WAPL: variants seen among roughly 807,000 people sequenced by gnomAD.
WAPL encodes wings apart-like protein homolog.
A neutral mutation model predicts 121.0 loss-of-function variants in WAPL; 5 were observed. The ratio of observed to expected loss-of-function variants is 0.04; its 90% CI spans 0.02 to 0.09. WAPL has a LOEUF of 0.09. Ranked by LOEUF, WAPL falls within the 10% of genes least tolerant of loss-of-function variation. The probability of loss-of-function intolerance (pLI) is 1.00; values close to 1 mark genes in which losing one functional copy is unlikely to be tolerated. For synonymous variants in WAPL, 480 were observed against 481.5 expected, an observed-to-expected ratio of 1.00 and a Z score of 0.04; for missense variants, 999 against 1,410.8, an observed-to-expected ratio of 0.71 and a Z score of 4.68.
At chr10:86,512,893 A>G (rs1263807858) in intron 2 of WAPL, among the ~76,000 whole-genome samples, 1 of 152,142 alleles carries the variant, frequency 6.6e-6, no homozygotes, top group East Asian at 1.9e-4. Flanking sequence ...GAAAAGTTTC[A>G]TAATAAACGT....
At chr10:86,501,332 G>C (rs1277336600) in intron 2 of WAPL, among the ~76,000 whole-genome samples, 1 of 152,202 alleles carries the variant, frequency 6.6e-6, no homozygotes, top group Non-Finnish European at 1.5e-5. Flanking sequence ...GGCTAATAGT[G>C]GCTATTTATG....
In WAPL at chr10:86,471,548, A is replaced by G. The variant is rs1841533085; in HGVS notation, c.2031-445T>C. On this transcript the variant is annotated intron_variant, in intron 7 of 18. Coordinates refer to ENST00000298767, the MANE Select transcript of WAPL (RefSeq NM_015045.5). Reference sequence around the variant, plus strand: ...CATTTGGGTACAAATGTAAGCGTCCAGATCACAATATGCTTAAATAAATCT... The same window carrying G: ...CATTTGGGTACAAATGTAAGCGTCCGGATCACAATATGCTTAAATAAATCT... Among the ~76,000 whole-genome samples, 4 of 152,268 alleles carry G rather than the reference A, an allele frequency of 2.6e-5. 1 individual carries two copies. Among genetic ancestry groups the G allele is most frequent in the African/African-American group, 7.2e-5 (3 of 41,480 alleles).
chr10:86,437,942 A>C lies in WAPL; in HGVS notation c.3485T>G (p.Phe1162Cys). 6.2e-7 allele frequency: 1 copy of C among 1,613,594 alleles called. No individual in the cohort carries two copies. Among genetic ancestry groups the C allele is most frequent in the South Asian group, 1.1e-5 (1 of 91,012 alleles). The change falls in exon 18 of 19, where the codon TTT (phenylalanine) becomes TGT (cysteine). Residue 1162 changes from phenylalanine (F) to cysteine (C), a missense_variant. Around this residue, in one of 7 missense-constraint regions of WAPL, gnomAD observed 35 missense variants for 80.3 expected, o/e 0.44. Coordinates refer to ENST00000298767, the MANE Select transcript of WAPL (RefSeq NM_015045.5). ...TACAGTGAGATTCATAAAACTCAAA[A>C]ATTTTTTGAGCATCTCTGTCATTAT... The part of the protein sequence containing the change: ...FSIMTEMLKK[F>C]LSFMNLTCAV...
chr10:86,491,136 CTTTTTTTT>C (rs34863367), intron 4 of WAPL, among the ~76,000 whole-genome samples: 1 of 102,786 alleles, frequency 9.7e-6, no homozygotes, highest in Admixed American at 1.2e-4. Flanking sequence ...ACTCATGGTT[CTTTTTTTT>C]TTTTTTTTTT....
chr10:86,483,041 G>A (rs1841828327), intron 4 of WAPL, among the ~76,000 whole-genome samples: 1 of 152,154 alleles, frequency 6.6e-6, no homozygotes, highest in African/African-American at 2.4e-5. Context: ...CTAACATTTA[G>A]TGACATCTTA....
intron 2 of WAPL, among the ~76,000 whole-genome samples, chr10:86,508,711 C>CTTTTCTAG (rs1842397038): frequency 1.3e-5 from 2 of 150,562 alleles, no homozygotes; most frequent in African/African-American, 4.9e-5. Flanking sequence ...ACTGAATTTC[C>CTTTTCTAG]TTTTCTAGTT....
Position 86,474,038 on chromosome 10 carries a change from A to G in WAPL, c.1645-65T>C. ...TAAAAGACTCTCAACTAAAAATCATAAAGAATAATTTATATGCATAAACAT... is the reference window on the plus strand; with the variant it reads ...TAAAAGACTCTCAACTAAAAATCATGAAGAATAATTTATATGCATAAACAT... On this transcript the variant is annotated intron_variant, in intron 4 of 18. Transcript: ENST00000298767. The G allele has an allele frequency of 2.6e-5, 35 of 1,333,338 alleles. No individual in the cohort carries two copies. In the South Asian group the frequency reaches 3.4e-4, roughly 13 times the overall value. The allele number at this position is 1,333,338 out of a possible 1,614,324, so 82.6% of individuals were successfully genotyped here. A position where few individuals can be genotyped will look rare whatever the true frequency, so the allele number is the denominator to read the frequency against.
chr10:86,471,578 T>C (rs1841533374), intron 7 of WAPL, among the ~76,000 whole-genome samples: 1 of 152,208 alleles, frequency 6.6e-6, no homozygotes, highest in African/African-American at 2.4e-5. Context: ...AAATCTAACT[T>C]ATTACTTGAA....
At chr10:86,453,064 A>G (rs1841034950) in intron 14 of WAPL, among the ~76,000 whole-genome samples, 156 bp downstream of exon 14, 3 of 95,524 alleles carry the variant, frequency 3.1e-5, no homozygotes, top group Non-Finnish European at 6.5e-5. Context: ...AAAAAAAAAA[A>G]AAAAAAAGAA....
rs778967167 is a variant in WAPL, at chr10:86,453,809, G to C, written c.2680C>G (p.Leu894Val). The change falls in exon 13 of 19, where the codon CTG becomes GTG. Residue 894 changes from leucine (L) to valine (V), a missense_variant. Physicochemically the swap from Leu to Val is conservative, Grantham distance 32. Around this residue, in one of 7 missense-constraint regions of WAPL, gnomAD observed 118 missense variants for 318.3 expected, o/e 0.37. Transcript: ENST00000298767. ...TCAGCACGGTTGTACTGCTGAATCA[G>C]TTCTTCACAATGCTGTAATGCTCTT... ...SAKALQHCEELIQQYNRAEDS... is the reference protein window; with the variant it reads ...SAKALQHCEEVIQQYNRAEDS... 1 of 1,610,590 alleles carries C rather than the reference G, an allele frequency of 6.2e-7. No homozygotes were observed. The highest frequency in any genetic ancestry group is 1.3e-5 in the African/African-American group (1 of 74,710).
chr10:86,481,181 A>G (rs945281380), intron 4 of WAPL, among the ~76,000 whole-genome samples: 2 of 152,166 alleles, frequency 1.3e-5, no homozygotes, highest in Admixed American at 6.6e-5. Flanking sequence ...AAAGATATAA[A>G]CAGTCAACAT....
chr10:86,468,944 T>A (rs963604567), intron 8 of WAPL, among the ~76,000 whole-genome samples: 3 of 151,536 alleles, frequency 2.0e-5, no homozygotes, highest in Non-Finnish European at 2.9e-5. Context: ...CTACTAAAAA[T>A]ACAAAAAAAA....
chr10:86,448,112 A>G (rs1849671407), intron 15 of WAPL, among the ~76,000 whole-genome samples: 1 of 152,204 alleles, frequency 6.6e-6, no homozygotes, highest in Non-Finnish European at 1.5e-5. Flanking sequence ...TTATTTCTGT[A>G]ATTTTTGTAA....
At chr10:86,518,786 C>T (rs1023985449) in intron 1 of WAPL, among the ~76,000 whole-genome samples, 4 of 152,132 alleles carry the variant, frequency 2.6e-5, no homozygotes, top group African/African-American at 9.7e-5. Flanking sequence ...CACTAATTCA[C>T]ATGAGAAAAA....
At chr10:86,439,856 G>C (rs1482843402) in intron 17 of WAPL, among the ~76,000 whole-genome samples, 2 of 152,234 alleles carry the variant, frequency 1.3e-5, no homozygotes, top group African/African-American at 4.8e-5. Context: ...CAGCTGCAAA[G>C]TGAGAAGACA....
At chr10:86,492,164 T>C (rs1564581247) in intron 4 of WAPL, among the ~76,000 whole-genome samples, 1 of 152,160 alleles carries the variant, frequency 6.6e-6, no homozygotes, top group African/African-American at 2.4e-5. Context: ...TGTCAGTAAG[T>C]AAAAATGTTA....
At chr10:86,521,175 C>T (rs112227370) in intron 1 of WAPL, among the ~76,000 whole-genome samples, 190 bp downstream of exon 1, 1 of 152,180 alleles carries the variant, frequency 6.6e-6, no homozygotes, top group Non-Finnish European at 1.5e-5. Flanking sequence ...TCAGCAGTCG[C>T]CCGAAAAAGA....
At chr10:86,500,808 A>G in intron 2 of WAPL, 65 bp from the exon 3 acceptor site, 2 of 1,279,796 alleles carry the variant, frequency 1.6e-6, no homozygotes, top group East Asian at 2.5e-5. Flanking sequence ...TAAATAACAT[A>G]TATGTGGTTA....
chr10:86,509,048 TG>T (rs1437971332), intron 2 of WAPL, among the ~76,000 whole-genome samples: 1 of 152,236 alleles, frequency 6.6e-6, no homozygotes, highest in Non-Finnish European at 1.5e-5. Flanking sequence ...CGGCCAGTAT[TG>T]GAAGTCCTTC....
Sources: allele counts gnomAD v4.1 joint callset (sites outside exome capture counted in the v4.1 genomes callset), GRCh38; gene constraint gnomAD v4.1.1; regional missense constraint gnomAD v4.1.1; transcripts MANE v1.5; gene names NCBI Gene and HGNC (gene_info 2026-07-23, HGNC 2026-07-21).